TFB1M: variants seen among roughly 807,000 people sequenced by gnomAD.
The protein encoded by TFB1M is transcription factor B1, mitochondrial, also known as dimethyladenosine transferase 1, mitochondrial.
Under a neutral mutation model 31.1 loss-of-function variants are expected in TFB1M, and 27 were observed. The observed-to-expected ratio is 0.87, with a 90% CI of 0.64 to 1.20. TFB1M has a LOEUF of 1.20. Ranked by LOEUF, TFB1M falls within the 50% of genes most tolerant of loss-of-function variation. The pLI is 0.00. For synonymous variants in TFB1M, 166 were observed against 151.8 expected (o/e 1.09, Z -0.69); for missense variants, 394 against 418.7 (o/e 0.94, Z 0.51).
At chr6:155,241,192 C>T in the TFB1M span, among the ~76,000 whole-genome samples, 1 of 152,190 alleles carries the variant, frequency 6.6e-6, no homozygotes, top group Non-Finnish European at 1.5e-5. Context: ...TGGGAATATC[C>T]TTGCACCATT....
At chr6:155,245,866 T>A in the TFB1M span, 2 of 523,104 alleles carry the variant, frequency 3.8e-6, no homozygotes, top group Non-Finnish European at 6.4e-6. Context: ...ACCTTGACAG[T>A]GGCAAATATT....
In TFB1M at chr6:155,257,390, T is replaced by C; in HGVS notation, c.*446A>G. On this transcript the variant is annotated 3_prime_UTR_variant, in exon 7 of 7. Coordinates refer to ENST00000367166, the MANE Select transcript of TFB1M (RefSeq NM_016020.4). ...ATGATTTAGGATCCTTAAAATTACA[T>C]TCTAATAATTAAGTTATGTGGAAAA... 1 of 411,236 alleles carries C rather than the reference T, an allele frequency of 2.4e-6. No homozygotes were observed. The highest frequency in any genetic ancestry group is 4.3e-6 in the Non-Finnish European group (1 of 232,728). The allele number at this position is 411,236 out of a possible 1,614,324, so 25.5% of individuals were successfully genotyped here. A position where few individuals can be genotyped will look rare whatever the true frequency, so the allele number is the denominator to read the frequency against.
Position 155,296,977 on chromosome 6 carries a change from C to G in TFB1M, c.522G>C (p.Leu174Phe), listed in dbSNP as rs1583366044. The change falls in exon 4 of 7, where the codon TTG becomes TTC. Residue 174 changes from leucine to phenylalanine, a missense_variant. Transcript: ENST00000367166. ...PFVYGRTQMT[L>F]TFQKEVAERL... ...CCTCTGCCACTTCCTTTTGAAAAGT[C>G]AAAGTCATCTGAGTTCTGCCATAAA... 6.2e-7 allele frequency: 1 copy of G among 1,613,930 alleles called. No homozygotes were observed. The highest frequency in any genetic ancestry group is 2.2e-5 in the East Asian group (1 of 44,840).
At chr6:155,269,914 A>G (rs968899361) in intron 5 of TFB1M, among the ~76,000 whole-genome samples, 1 of 152,252 alleles carries the variant, frequency 6.6e-6, no homozygotes. Flanking sequence ...ACTATGTGCC[A>G]GGCACTGATC....
the TFB1M span, among the ~76,000 whole-genome samples, chr6:155,238,073 C>T: frequency 6.6e-6 from 1 of 152,202 alleles, no homozygotes; most frequent in Admixed American, 6.5e-5. Context: ...ATGCCTTTAC[C>T]AGCACTCAAG....
At chr6:155,250,523 G>A in the TFB1M span, 1 of 1,534,960 alleles carries the variant, frequency 6.5e-7, no homozygotes, top group Non-Finnish European at 8.7e-7. Flanking sequence ...TTCAATGCTG[G>A]TGCTCTTTTA....
chr6:155,255,784 G>C (rs1050172443), downstream of TFB1M: 1 of 152,374 alleles, frequency 6.6e-6, no homozygotes, highest in African/African-American at 2.4e-5. Context: ...TGGATCCCTT[G>C]AGCTCTTGAG....
the TFB1M span, among the ~76,000 whole-genome samples, chr6:155,241,669 T>A: frequency 6.6e-6 from 1 of 152,146 alleles, no homozygotes; most frequent in African/African-American, 2.4e-5. Flanking sequence ...ACAGGTAGCT[T>A]CCCAAAGCCC....
intron 5 of TFB1M, among the ~76,000 whole-genome samples, chr6:155,274,994 G>A (rs1346234575): frequency 6.6e-6 from 1 of 152,054 alleles, no homozygotes; most frequent in Non-Finnish European, 1.5e-5. Context: ...CGAGGTGGGC[G>A]GATCACGAGG....
chr6:155,240,622 G>C, the TFB1M span: 1 of 1,614,118 alleles, frequency 6.2e-7, no homozygotes, highest in South Asian at 1.1e-5. Context: ...ATCCTCCTCC[G>C]AGGTCTCTGG....
rs1259683934 is a variant in TFB1M, at chr6:155,298,559, T to C, written c.312A>G (p.Lys104=). Residue 104 remains lysine, a synonymous_variant, in exon 3 of 7, where the codon AAA becomes AAG. Coordinates refer to ENST00000367166, the MANE Select transcript of TFB1M (RefSeq NM_016020.4). ...AGACATCTCCATGAACAATTCTCAG[T>C]TTCCCAGGTGCTGCATCAGAAAGCA... The part of the protein sequence containing the change: ...LQMLSDAAPG[K]LRIVHGDVLT... 4.3e-6 allele frequency: 7 copies of C among 1,613,012 alleles called. No homozygotes were observed. The highest frequency in any genetic ancestry group is 5.9e-6 in the Non-Finnish European group (7 of 1,179,280).
the TFB1M span, among the ~76,000 whole-genome samples, chr6:155,248,504 G>C: frequency 0.34 from 51,983 of 152,126 alleles, 9,659 homozygotes; most frequent in Middle Eastern, 0.51. Context: ...AAACAGTGCC[G>C]CTGGAACTGA....
At chr6:155,280,461 G>C (rs1785444612) in intron 5 of TFB1M, among the ~76,000 whole-genome samples, 1 of 152,106 alleles carries the variant, frequency 6.6e-6, no homozygotes, top group African/African-American at 2.4e-5. Flanking sequence ...CTCCCGCCGT[G>C]GTTCTAGGCT....
chr6:155,248,431 A>G, the TFB1M span, among the ~76,000 whole-genome samples: 1 of 152,202 alleles, frequency 6.6e-6, no homozygotes, highest in Non-Finnish European at 1.5e-5. Flanking sequence ...TACTCCTCCT[A>G]TGCAGGGATG....
the TFB1M span, chr6:155,243,942 T>G: frequency 2.3e-6 from 3 of 1,321,378 alleles, no homozygotes; most frequent in African/African-American, 2.9e-5. Flanking sequence ...GCCAGGTTGC[T>G]GCTACCCAAA....
At chr6:155,300,936 C>G (rs162972) in intron 2 of TFB1M, among the ~76,000 whole-genome samples, 2,906 of 152,146 alleles carry the variant, frequency 0.019, 73 homozygotes, top group African/African-American at 0.049. Context: ...TCCCTAAGAG[C>G]TGGGATTACA....
At chr6:155,250,610 G>A in the TFB1M span, 1 of 1,536,056 alleles carries the variant, frequency 6.5e-7, no homozygotes, top group South Asian at 1.2e-5. Context: ...CACTCTGGAA[G>A]AACCACGGAC....
the TFB1M span, among the ~76,000 whole-genome samples, chr6:155,237,925 C>T: frequency 1.3e-5 from 2 of 152,254 alleles, no homozygotes; most frequent in Non-Finnish European, 2.9e-5. Context: ...TGGGGATTAA[C>T]ATTCAGTCCC....
intron 5 of TFB1M, among the ~76,000 whole-genome samples, chr6:155,263,390 C>G (rs892265730): frequency 2.0e-5 from 3 of 152,096 alleles, no homozygotes; most frequent in Non-Finnish European, 1.5e-5. Context: ...AAACTCAGTC[C>G]ATCAGTATAC....
Sources: allele counts gnomAD v4.1 joint callset (sites outside exome capture counted in the v4.1 genomes callset), GRCh38; gene constraint gnomAD v4.1.1; transcripts MANE v1.5; gene names NCBI Gene and HGNC (gene_info 2026-07-23, HGNC 2026-07-21).